GMIP: variants seen among roughly 807,000 people sequenced by gnomAD.
GMIP encodes the protein GEM-interacting protein.
A neutral mutation model predicts 105.3 loss-of-function variants in GMIP; 54 were observed. The ratio of observed to expected loss-of-function variants is 0.51; its 90% CI spans 0.41 to 0.64. The LOEUF is 0.64. GMIP is among the 30% of genes least tolerant of loss of function. GMIP has a pLI of 0.00. For synonymous variants in GMIP, 541 were observed against 560.8 expected (o/e 0.96, Z 0.50); for missense variants, 1,110 against 1,319.4 (o/e 0.84, Z 2.46).
intron 7 of GMIP, 64 bp downstream of exon 7, chr19:19,640,021 T>C: frequency 1.1e-6 from 1 of 901,706 alleles, no homozygotes. Flanking sequence ...AACGAGGGGA[T>C]CAGGCCTGAA....
rs1297668437 is a variant in GMIP, at chr19:19,641,992, G to A, written c.164C>T (p.Thr55Ile). ...LLSEDPEPDK[T>I]PTATVTNEAS... Reference sequence around the variant, plus strand: ...CCCACTCACAACAGTGGCTGTAGGGGTCTTGTCAGGTTCTGGGTCTTCTGA... The same window carrying A: ...CCCACTCACAACAGTGGCTGTAGGGATCTTGTCAGGTTCTGGGTCTTCTGA... The change falls in exon 3 of 21, where the codon ACC becomes ATC. Residue 55 changes from threonine (T) to isoleucine (I), a missense_variant. Transcript: ENST00000203556. 6.2e-7 allele frequency: 1 copy of A among 1,613,238 alleles called. No homozygotes were observed. Among genetic ancestry groups the A allele is most frequent in the Admixed American group, 1.7e-5 (1 of 59,996 alleles).
At chr19:19,638,089 G>T (rs747539714) in intron 9 of GMIP, 32 bp from the exon 10 acceptor site, 6 of 1,541,774 alleles carry the variant, frequency 3.9e-6, no homozygotes, top group Non-Finnish European at 5.2e-6. Flanking sequence ...AGCGGGGTGG[G>T]GCGCGTGTGG....
chr19:19,629,861 G>T lies in GMIP; in HGVS notation c.*102C>A. On this transcript the variant is annotated 3_prime_UTR_variant, in exon 21 of 21. Coordinates refer to ENST00000203556, the MANE Select transcript of GMIP (RefSeq NM_016573.4). ...AACCCTCTGGACCTCTCCCAGCATT[G>T]AACTCCTGGCGGGGTGTTTGGCCAC... 8.5e-7 allele frequency: 1 copy of T among 1,176,038 alleles called. No individual in the cohort carries two copies. The allele number at this position is 1,176,038 out of a possible 1,614,324, so 72.9% of individuals were successfully genotyped here. A position where few individuals can be genotyped will look rare whatever the true frequency, so the allele number is the denominator to read the frequency against.
chr19:19,642,435 C>T (rs979820955), intron 2 of GMIP, 100 bp downstream of exon 2: 3 of 733,644 alleles, frequency 4.1e-6, no homozygotes, highest in Non-Finnish European at 5.0e-6. Flanking sequence ...GTATGTAGGT[C>T]CAGATGTTAC....
chr19:19,634,355 G>A lies in GMIP; in HGVS notation c.2084+152C>T. Reference sequence around the variant, plus strand: ...ATCCAGAACTGGAGGTCAGGGGTCAGTACCCAAAGTTATGAATCATGGATT... The same window carrying A: ...ATCCAGAACTGGAGGTCAGGGGTCAATACCCAAAGTTATGAATCATGGATT... On this transcript the variant is annotated intron_variant, in intron 18 of 20. Coordinates refer to ENST00000203556, the MANE Select transcript of GMIP (RefSeq NM_016573.4). The surrounding 1 kb of genome is among the most constrained non-coding windows in gnomAD (Gnocchi z 6.1). 1.0e-6 allele frequency: 1 copy of A among 971,506 alleles called. No individual in the cohort carries two copies. 60.2% of individuals were successfully genotyped at this position (971,506 alleles called of 1,614,324 possible). A position where few individuals can be genotyped will look rare whatever the true frequency, so the allele number is the denominator to read the frequency against.
In GMIP at chr19:19,634,676, G is replaced by A. The variant is rs751379162; in HGVS notation, c.1915C>T (p.Leu639Phe). The change falls in exon 18 of 21, where the codon CTC becomes TTC. Residue 639 changes from leucine to phenylalanine, a missense_variant. Leu to Phe is a conservative substitution (Grantham distance 22, BLOSUM62 0). Transcript: ENST00000203556. This position sits in a 1 kb window ranked among gnomAD's most constrained non-coding sequence, Gnocchi z 6.1. Reference sequence around the variant, plus strand: ...GCCAGAGAGATGAAGGCGTCGTAGAGGTGGAAGGGGATCACGGGCTCGGTG... The same window carrying A: ...GCCAGAGAGATGAAGGCGTCGTAGAAGTGGAAGGGGATCACGGGCTCGGTG... ...ELTEPVIPFH[L>F]YDAFISLAKT... 6.2e-7 allele frequency: 1 copy of A among 1,610,722 alleles called. No homozygotes were observed. Among genetic ancestry groups the A allele is most frequent in the South Asian group, 1.1e-5 (1 of 91,050 alleles).
chr19:19,635,006 T>C lies in GMIP; in HGVS notation c.1749+19A>G, dbSNP rs1411640836. 2 of 1,613,238 alleles carry C rather than the reference T, an allele frequency of 1.2e-6. No individual in the cohort carries two copies. The highest frequency in any genetic ancestry group is 1.7e-6 in the Non-Finnish European group (2 of 1,179,422). ...TCGGTCAGGTCACTTCTGGGGATGATGAAGGGTCAGGGCAGCACCTGCACA... is the reference window on the plus strand; with the variant it reads ...TCGGTCAGGTCACTTCTGGGGATGACGAAGGGTCAGGGCAGCACCTGCACA... On this transcript the variant is annotated intron_variant, in intron 16 of 20. Coordinates refer to ENST00000203556, the MANE Select transcript of GMIP (RefSeq NM_016573.4). This position sits in a 1 kb window ranked among gnomAD's most constrained non-coding sequence, Gnocchi z 4.7.
At chr19:19,640,812 C>T (rs2061911102) in intron 4 of GMIP, among the ~76,000 whole-genome samples, 1 of 152,154 alleles carries the variant, frequency 6.6e-6, no homozygotes, top group African/African-American at 2.4e-5. Context: ...GTTGCCCAGG[C>T]TAGAGTGCAA....
chr19:19,630,645 G>A lies in GMIP; in HGVS notation c.2473-108C>T, dbSNP rs1393398443. The A allele has an allele frequency of 2.1e-6, 2 of 933,216 alleles. No individual in the cohort carries two copies. Among genetic ancestry groups the A allele is most frequent in the Admixed American group, 3.8e-5 (2 of 52,816 alleles). 57.8% of individuals were successfully genotyped at this position (933,216 alleles called of 1,614,324 possible). ...TGGACATGCAAAAGGAATAGCCAGT[G>A]CAAAGGCCCTGAGGTAGGAGCATGC... On this transcript the variant is annotated intron_variant, in intron 19 of 20. Coordinates refer to ENST00000203556, the MANE Select transcript of GMIP (RefSeq NM_016573.4). This position sits in a 1 kb window ranked among gnomAD's most constrained non-coding sequence, Gnocchi z 4.8.
chr19:19,643,019 G>A (rs556374261), intron 1 of GMIP: 5 of 202,782 alleles, frequency 2.5e-5, no homozygotes, highest in Admixed American at 1.7e-4. Flanking sequence ...GAAGCCGTGA[G>A]GGACATAAAG....
rs1203476735 is a variant in GMIP at position 19,630,887 on chromosome 19, G to A, written c.2473-350C>T. 6.6e-6 allele frequency among the ~76,000 whole-genome samples: 1 copy of A among 152,128 alleles called. No individual in the cohort carries two copies. Among genetic ancestry groups the A allele is most frequent in the Non-Finnish European group, 1.5e-5 (1 of 68,022 alleles). On this transcript the variant is annotated intron_variant, in intron 19 of 20. Coordinates refer to ENST00000203556, the MANE Select transcript of GMIP (RefSeq NM_016573.4). This position sits in a 1 kb window ranked among gnomAD's most constrained non-coding sequence, Gnocchi z 4.8. ...CATCCTTTGCAGTTTTGGTGTTTGG[G>A]GATAGACGATGCCCTTATAAGTGTA...
At chr19:19,643,484 G>A (rs1229603433) in intron 1 of GMIP, 27 bp downstream of exon 1, 3 of 1,537,524 alleles carry the variant, frequency 2.0e-6, no homozygotes, top group Non-Finnish European at 1.8e-6. Context: ...GTCGGGGGAG[G>A]CCCCTCCCGG....
chr19:19,642,591 C>A lies in GMIP; in HGVS notation c.48G>T (p.Lys16Asn), dbSNP rs148527613. Residue 16 changes from lysine (K) to asparagine (N), a missense_variant, in exon 2 of 21, where the codon AAG (lysine) becomes AAT (asparagine). By Grantham distance (94) the Lys-to-Asn change is moderately conservative. This residue lies in a region of GMIP where 667 missense variants were observed against 773.2 expected (regional missense o/e 0.86). Coordinates refer to ENST00000203556, the MANE Select transcript of GMIP (RefSeq NM_016573.4). ...GGCTCCGGAAGATGTCACTGTACCT[C>A]TTCCTGCCCTCAGGACCTGGGGGGA... ...PGLPPGPEGR[K>N]RYSDIFRSLD... 418 of 1,608,768 alleles carry A rather than the reference C, an allele frequency of 2.6e-4. 1 individual carries two copies. In the Middle Eastern group the frequency reaches 3.1e-3, roughly 12 times the overall value.
At chr19:19,633,563 T>A (rs989154242) in intron 19 of GMIP, among the ~76,000 whole-genome samples, 1 of 152,194 alleles carries the variant, frequency 6.6e-6, no homozygotes, top group African/African-American at 2.4e-5. Flanking sequence ...CAATAAATAT[T>A]CTGTTGGAGG....
Position 19,629,847 on chromosome 19 carries a change from C to CCT in GMIP, c.*114_*115dup. On this transcript the variant is annotated 3_prime_UTR_variant, in exon 21 of 21. Coordinates refer to ENST00000203556, the MANE Select transcript of GMIP (RefSeq NM_016573.4). ...TTTTTCCTTATAGGAACCCTCTGGACCTCTCCCAGCATTGAACTCCTGGCG... is the reference window on the plus strand; with the variant it reads ...TTTTTCCTTATAGGAACCCTCTGGACCTCTCTCCCAGCATTGAACTCCTGGCG... 9.7e-7 allele frequency: 1 copy of CCT among 1,028,932 alleles called. No homozygotes were observed. 63.7% of individuals were successfully genotyped at this position (1,028,932 alleles called of 1,614,324 possible).
At chr19:19,631,924 C>T (rs1048086836) in intron 19 of GMIP, among the ~76,000 whole-genome samples, 2 of 147,698 alleles carry the variant, frequency 1.4e-5, no homozygotes, top group Non-Finnish European at 3.0e-5. Context: ...GGAGGCAGAG[C>T]TTGCAGTGAG....
intron 9 of GMIP, 23 bp from the exon 10 acceptor site, chr19:19,638,080 G>C: frequency 6.5e-7 from 1 of 1,545,864 alleles, no homozygotes; most frequent in Non-Finnish European, 8.7e-7. Flanking sequence ...GAGGCCAGGA[G>C]CGGGGTGGGG....
chr19:19,642,747 G>T, intron 1 of GMIP, 128 bp from the exon 2 acceptor site: 1 of 522,026 alleles, frequency 1.9e-6, no homozygotes, highest in Non-Finnish European at 3.5e-6. Flanking sequence ...AGGGCTGGGG[G>T]GGGCTTGGTT....
chr19:19,643,493 G>A lies in GMIP; in HGVS notation c.19+18C>T, dbSNP rs753741714. 28 of 1,544,184 alleles carry A rather than the reference G, an allele frequency of 1.8e-5. No homozygotes were observed. The African/African-American group carries it at 3.4e-4, about 19-fold the overall frequency. ...GGGATGGTCGGGGGAGGCCCCTCCC[G>A]GATCCCCGACCCCCTACCCGGCTCT... On this transcript the variant is annotated intron_variant, in intron 1 of 20. Coordinates refer to ENST00000203556, the MANE Select transcript of GMIP (RefSeq NM_016573.4).
Sources: gnomAD v4.1 joint callset for allele counts (sites outside exome capture counted in the v4.1 genomes callset) on GRCh38, gnomAD v4.1.1 for gene constraint, gnomAD v4.1.1 regional missense constraint, Gnocchi (gnomAD v3.1) non-coding constraint, MANE v1.5 for transcripts, NCBI Gene and HGNC (gene_info 2026-07-23, HGNC 2026-07-21) for gene names.